The following MAST4 variants were observed in gnomAD, a reference collection of about 807,000 sequenced individuals.
MAST4 encodes microtubule associated serine/threonine kinase family member 4, also known as microtubule-associated serine/threonine-protein kinase 4.
In MAST4, 89 loss-of-function variants were observed where a neutral mutation model predicts 162.7. That is an observed-to-expected ratio of 0.55 (90% CI 0.46 to 0.65). The LOEUF (loss-of-function observed/expected upper bound fraction) is 0.65, where lower values mean the gene tolerates loss of function less well. Ranked by LOEUF, MAST4 falls within the 30% of genes least tolerant of loss-of-function variation. The pLI is 0.00. For synonymous variants in MAST4, 1,479 were observed against 1,361.1 expected (o/e 1.09, Z -1.91); for missense variants, 3,153 against 3,374.0 (o/e 0.93, Z 1.62).
At chr5:66,790,993 G>A (rs257710) in intron 3 of MAST4, among the ~76,000 whole-genome samples, 72,799 of 151,952 alleles carry the variant, frequency 0.48, 17,764 homozygotes, top group East Asian at 0.66. Flanking sequence ...CACTGTCACA[G>A]AATAATATGT....
intron 5 of MAST4, among the ~76,000 whole-genome samples, chr5:67,078,893 T>TA (rs1561621695): frequency 6.6e-5 from 5 of 75,494 alleles, no homozygotes; most frequent in African/African-American, 2.4e-4. Context: ...TATTTATATA[T>TA]TTATATATTT....
At chr5:67,162,495 T>C in intron 27 of MAST4, 112 bp from the exon 28 acceptor site, 1 of 875,444 alleles carries the variant, frequency 1.1e-6, no homozygotes. Context: ...TAGGATCTGC[T>C]GTTGTATCCC....
chr5:66,736,837 A>G (rs1752183125), intron 1 of MAST4, among the ~76,000 whole-genome samples: 1 of 152,330 alleles, frequency 6.6e-6, no homozygotes, highest in South Asian at 2.1e-4. Context: ...AGTGAAGGGT[A>G]CTACTCTTGT....
chr5:67,153,312 G>A, intron 25 of MAST4, 146 bp from the exon 26 acceptor site: 2 of 809,366 alleles, frequency 2.5e-6, no homozygotes, highest in East Asian at 3.1e-5. Flanking sequence ...AATAATGATA[G>A]AATAGGAATA....
intron 4 of MAST4, among the ~76,000 whole-genome samples, chr5:66,921,412 A>G (rs930920708): frequency 6.6e-6 from 1 of 152,198 alleles, no homozygotes; most frequent in Non-Finnish European, 1.5e-5. Context: ...ATCAAACTGA[A>G]ATAAAACCCT....
chr5:67,025,378 T>C (rs931405115), intron 4 of MAST4, among the ~76,000 whole-genome samples: 1 of 152,224 alleles, frequency 6.6e-6, no homozygotes, highest in African/African-American at 2.4e-5. Flanking sequence ...AATACATGGC[T>C]AATACTATGA....
intron 6 of MAST4, among the ~76,000 whole-genome samples, chr5:67,090,688 G>A (rs1419551588): frequency 6.6e-6 from 1 of 151,130 alleles, no homozygotes; most frequent in Non-Finnish European, 1.5e-5. Context: ...TTGCAATTGG[G>A]CACCAGCCGT....
chr5:67,079,723 G>A (rs1335781132), intron 5 of MAST4, among the ~76,000 whole-genome samples: 1 of 152,072 alleles, frequency 6.6e-6, no homozygotes, highest in Non-Finnish European at 1.5e-5. Flanking sequence ...ATTTTCCTCT[G>A]CCTCAAAGCC....
intron 4 of MAST4, among the ~76,000 whole-genome samples, chr5:66,932,520 A>G (rs1308198281): frequency 2.0e-5 from 3 of 152,184 alleles, no homozygotes; most frequent in Admixed American, 6.5e-5. Flanking sequence ...GATATGAGAT[A>G]AACACGTGTT....
chr5:66,780,696 GGTCCATTTTACAGAGTGCTGATTT>G (rs1443785924), intron 2 of MAST4, among the ~76,000 whole-genome samples: 76 of 152,234 alleles, frequency 5.0e-4, no homozygotes, highest in Non-Finnish European at 2.2e-4. Flanking sequence ...CCTGCTGATT[GGTCCATTTTACAGAGTGCTGATTT>G]GTCCATTTTA....
chr5:66,974,586 G>A (rs771228068), intron 4 of MAST4, among the ~76,000 whole-genome samples: 19 of 152,182 alleles, frequency 1.2e-4, no homozygotes, highest in Non-Finnish European at 8.8e-5. Flanking sequence ...CACGGACAGT[G>A]GAAACATTTT....
chr5:66,983,617 CA>C (rs981001591), intron 4 of MAST4, among the ~76,000 whole-genome samples: 2 of 151,800 alleles, frequency 1.3e-5, no homozygotes, highest in African/African-American at 4.8e-5. Context: ...GTACCAGGCA[CA>C]GGGGAAATGA....
At chr5:67,117,644 G>A (rs1219038776) in intron 12 of MAST4, among the ~76,000 whole-genome samples, 1 of 151,660 alleles carries the variant, frequency 6.6e-6, no homozygotes, top group African/African-American at 2.4e-5. Flanking sequence ...TGAAAAATTG[G>A]AAAGTACAAG....
intron 3 of MAST4, among the ~76,000 whole-genome samples, chr5:66,801,404 G>C (rs1439564205): frequency 6.6e-6 from 1 of 152,082 alleles, no homozygotes; most frequent in Non-Finnish European, 1.5e-5. Context: ...CATCAGTACT[G>C]GTACATACCA....
chr5:67,129,582 G>A (rs1768687924), intron 14 of MAST4, among the ~76,000 whole-genome samples: 1 of 151,958 alleles, frequency 6.6e-6, no homozygotes, highest in Non-Finnish European at 1.5e-5. Context: ...AAATTAGCTG[G>A]GCATGGTGGC....
At chr5:66,998,273 A>G (rs2150306384) in intron 4 of MAST4, among the ~76,000 whole-genome samples, 1 of 152,350 alleles carries the variant, frequency 6.6e-6, no homozygotes, top group South Asian at 2.1e-4. Context: ...AAGTTTCTGG[A>G]TCAAGAAGCA....
intron 3 of MAST4, among the ~76,000 whole-genome samples, chr5:66,879,922 T>C (rs1289625639): frequency 6.6e-6 from 1 of 152,252 alleles, no homozygotes; most frequent in East Asian, 1.9e-4. Context: ...CCACCAGTTC[T>C]TCTTTGGGGA....
chr5:66,830,583 G>C (rs1377331074), intron 3 of MAST4, among the ~76,000 whole-genome samples: 1 of 152,152 alleles, frequency 6.6e-6, no homozygotes, highest in Non-Finnish European at 1.5e-5. Flanking sequence ...TCTTCATGCT[G>C]TGAAAAATAA....
At chr5:66,841,306 T>C (rs1254237909) in intron 3 of MAST4, among the ~76,000 whole-genome samples, 1 of 152,172 alleles carries the variant, frequency 6.6e-6, no homozygotes, top group Non-Finnish European at 1.5e-5. Flanking sequence ...GTTAAAACTT[T>C]TCTGAGGCTT....
Sources: allele counts gnomAD v4.1 joint callset (sites outside exome capture counted in the v4.1 genomes callset), GRCh38; gene constraint gnomAD v4.1.1; transcripts MANE v1.5; gene names NCBI Gene and HGNC (gene_info 2026-07-23, HGNC 2026-07-21).